Variants in PEX5 observed in about 807,000 individuals in gnomAD.
The protein encoded by PEX5 is peroxisomal biogenesis factor 5, also known as PTS1 receptor.
PEX5 carries 52 observed loss-of-function variants against 82.9 expected under a neutral mutation model. That is an observed-to-expected ratio of 0.63 (90% CI 0.50 to 0.79). PEX5 has a LOEUF of 0.79. Among genes scored for constraint, PEX5 ranks in the 30% least tolerant of loss-of-function variants. The pLI, the probability that PEX5 is intolerant of heterozygous loss-of-function variation, is 0.00. For synonymous variants in PEX5, 300 were observed against 318.8 expected, an observed-to-expected ratio of 0.94 and a Z score of 0.63; for missense variants, 719 against 815.2, an observed-to-expected ratio of 0.88 and a Z score of 1.44.
At chr12:7,211,982 T>A (rs79005291), downstream of PEX5, among the ~76,000 whole-genome samples, 1 of 127,284 alleles carries the variant, frequency 7.9e-6, no homozygotes. Flanking sequence ...TTTTTTTTTT[T>A]AAGGCAGTGT....
At position 7,210,196 on chromosome 12, in the gene PEX5, CCTAA is replaced by C. The variant is rs1183517073; in HGVS notation, c.1897_1900del (p.Thr633CysfsTer26). The C allele has an allele frequency of 1.2e-6, 2 of 1,614,076 alleles. No individual in the cohort carries two copies. Among genetic ancestry groups the C allele is most frequent in the African/African-American group, 1.3e-5 (1 of 74,930 alleles). On this transcript the variant is annotated frameshift_variant, in exon 16 of 16. Transcript: ENST00000675855. LOFTEE classifies it high-confidence loss of function. ...CCGACGCGCGGGATCTGTCCACCCT[CCTAA>C]CTATGTTTGGCCTGCCCCAGTGACA...
chr12:7,190,174 G>T, intron 1 of PEX5, 188 bp from the exon 2 acceptor site: 1 of 1,501,910 alleles, frequency 6.7e-7, no homozygotes, highest in South Asian at 1.3e-5. Context: ...TTTGAGGGGG[G>T]CGGCAGGAGA....
downstream of PEX5, among the ~76,000 whole-genome samples, chr12:7,215,663 T>C (rs1945756423): frequency 6.6e-6 from 1 of 152,148 alleles, no homozygotes; most frequent in African/African-American, 2.4e-5. Flanking sequence ...TACCACAGAT[T>C]CTCACTTATA....
chr12:7,199,792 C>T (rs1444148208), intron 6 of PEX5, among the ~76,000 whole-genome samples: 4 of 150,500 alleles, frequency 2.7e-5, no homozygotes, highest in Admixed American at 1.3e-4. Flanking sequence ...CGGGCAGAGG[C>T]GCCCCTCACC....
At chr12:7,189,883 G>T in intron 1 of PEX5, 133 bp downstream of exon 1, 1 of 1,387,968 alleles carries the variant, frequency 7.2e-7, no homozygotes, top group South Asian at 1.7e-5. Flanking sequence ...GGGAGCGCGG[G>T]AGGGACCGGG....
chr12:7,188,974 G>A (rs760070649), upstream of PEX5: 2 of 152,370 alleles, frequency 1.3e-5, no homozygotes, highest in South Asian at 2.1e-4. Context: ...AGGCCACTAT[G>A]TTGACTTAGC....
intron 5 of PEX5, among the ~76,000 whole-genome samples, chr12:7,192,486 T>TG (rs769242741): frequency 6.6e-6 from 1 of 152,228 alleles, no homozygotes; most frequent in Non-Finnish European, 1.5e-5. Context: ...CCATTGCTCC[T>TG]GCATCTTTTA....
chr12:7,202,581 T>A, intron 8 of PEX5, 31 bp from the exon 9 acceptor site: 1 of 1,583,008 alleles, frequency 6.3e-7, no homozygotes, highest in Non-Finnish European at 8.7e-7. Flanking sequence ...AAGTTGGTGG[T>A]AGTGGTACTG....
downstream of PEX5, among the ~76,000 whole-genome samples, chr12:7,212,576 T>C (rs532325269): frequency 4.1e-4 from 63 of 152,182 alleles, no homozygotes; most frequent in Non-Finnish European, 7.2e-4. Flanking sequence ...ATTTAATCAT[T>C]TATGGAATAA....
In PEX5 at chr12:7,191,591, C is replaced by T. The variant is rs1317558154; in HGVS notation, c.339C>T (p.Ala113=). 4 of 1,613,866 alleles carry T rather than the reference C, an allele frequency of 2.5e-6. No individual in the cohort carries two copies. In the South Asian group the frequency reaches 3.3e-5, roughly 13 times the overall value. Residue 113 remains alanine, a synonymous_variant, in exon 5 of 16, where the codon GCC becomes GCT. Coordinates refer to ENST00000675855, the MANE Select transcript of PEX5 (RefSeq NM_001351132.2). ...AAGCCCCTGGTGTGGCAGACTTGGC[C>T]TTGTCTGAGAACTGGGCCCAGGAGT... ...PQRAPGVADL[A]LSENWAQEFL...
chr12:7,189,795 C>G (rs1418844528), intron 1 of PEX5, 45 bp downstream of exon 1: 1 of 631,232 alleles, frequency 1.6e-6, no homozygotes, highest in Non-Finnish European at 2.3e-6. Context: ...GTCCCTGGGC[C>G]CTCCCCACCC....
chr12:7,190,122 T>C lies in PEX5; in HGVS notation c.-16-240T>C, dbSNP rs889599834. ...TGGCCCCCAGCCCATGGGACCGTAG[T>C]CGCGGAGGCCTCTGCAGAGGCGCAG... On this transcript the variant is annotated intron_variant, in intron 1 of 15. Coordinates refer to ENST00000675855, the MANE Select transcript of PEX5 (RefSeq NM_001351132.2). 2.7e-6 allele frequency: 4 copies of C among 1,482,480 alleles called. No individual in the cohort carries two copies. The East Asian group carries it at 9.9e-5, about 37-fold the overall frequency. 91.8% of individuals were successfully genotyped at this position (1,482,480 alleles called of 1,614,324 possible).
intron 1 of PEX5, 86 bp downstream of exon 1, chr12:7,189,836 G>A (rs1397855327): frequency 1.7e-6 from 2 of 1,157,144 alleles, no homozygotes; most frequent in African/African-American, 3.3e-5. Context: ...CCAGGGGCGG[G>A]GCTGGAGCGG....
Position 7,191,296 on chromosome 12 carries a change from A to G in PEX5, c.254A>G (p.Asp85Gly), listed in dbSNP as rs768652769. 1.9e-6 allele frequency: 3 copies of G among 1,614,160 alleles called. No homozygotes were observed. Among genetic ancestry groups the G allele is most frequent in the Admixed American group, 3.3e-5 (2 of 60,028 alleles). The change falls in exon 4 of 16, where the codon GAT becomes GGT. Residue 85 changes from aspartate (D) to glycine (G), a missense_variant. Physicochemically the swap from Asp to Gly is moderately conservative, Grantham distance 94. Transcript: ENST00000675855. ...CGTGCCCCTCAGACCTTCAAGATGG[A>G]TGACCTCCTGGCTGAGATGCAGCAG... ...VSRAPQTFKMDDLLAEMQQIE... is the reference protein window; with the variant it reads ...VSRAPQTFKMGDLLAEMQQIE...
chr12:7,202,316 G>T lies in PEX5; in HGVS notation c.718G>T (p.Ala240Ser). 6.2e-7 allele frequency: 1 copy of T among 1,614,136 alleles called. No individual in the cohort carries two copies. The highest frequency in any genetic ancestry group is 8.5e-7 in the Non-Finnish European group (1 of 1,180,030). The change falls in exon 8 of 16, where the codon GCA becomes TCA. Residue 240 changes from alanine (A) to serine (S), a missense_variant. By Grantham distance (99) the Ala-to-Ser change is moderately conservative (BLOSUM62 1). Coordinates refer to ENST00000675855, the MANE Select transcript of PEX5 (RefSeq NM_001351132.2). ...CGGTGCAGGGTCGGGCCGAGCTCAGGCAGAACAGTGGGCAGCAGAGTTTAT... is the reference window on the plus strand; with the variant it reads ...CGGTGCAGGGTCGGGCCGAGCTCAGTCAGAACAGTGGGCAGCAGAGTTTAT... Reference protein sequence around the residue: ...ESGAGSGRAQAEQWAAEFIQQ... With the variant: ...ESGAGSGRAQSEQWAAEFIQQ...
chr12:7,198,097 A>G (rs2136059336), intron 5 of PEX5, among the ~76,000 whole-genome samples: 1 of 152,190 alleles, frequency 6.6e-6, no homozygotes, highest in South Asian at 2.1e-4. Context: ...GGAGGATGAA[A>G]AACAGTTCAG....
Position 7,202,443 on chromosome 12 carries a change from T to C in PEX5, c.753+92T>C, listed in dbSNP as rs74057855. On this transcript the variant is annotated intron_variant, in intron 8 of 15. Transcript: ENST00000675855. ...GTCAGTGGTCCCAGATGGGGAAGGA[T>C]AAGACCAGCTTGTCTTGATAGCATC... 1.7e-3 allele frequency: 2,644 copies of C among 1,518,048 alleles called. 46 individuals are homozygous for C. In the African/African-American group the frequency reaches 0.033, roughly 19 times the overall value. 94.0% of individuals were successfully genotyped at this position (1,518,048 alleles called of 1,614,324 possible). A position where few individuals can be genotyped will look rare whatever the true frequency, so the allele number is the denominator to read the frequency against.
intron 6 of PEX5, among the ~76,000 whole-genome samples, chr12:7,200,446 T>TG (rs1169675202): frequency 7.7e-6 from 1 of 130,678 alleles, no homozygotes; most frequent in Non-Finnish European, 1.6e-5. Flanking sequence ...TCCCAGACGA[T>TG]GGGCGGCCAG....
chr12:7,206,063 G>A (rs1354157840), intron 10 of PEX5, among the ~76,000 whole-genome samples: 1 of 152,200 alleles, frequency 6.6e-6, no homozygotes, highest in East Asian at 1.9e-4. Context: ...AGTAATCTCT[G>A]TTTTCTGTAG....
Sources: gnomAD v4.1 joint callset for allele counts (sites outside exome capture counted in the v4.1 genomes callset) on GRCh38, gnomAD v4.1.1 for gene constraint, MANE v1.5 for transcripts, NCBI Gene and HGNC (gene_info 2026-07-23, HGNC 2026-07-21) for gene names.